The following SLC7A4 variants were observed in gnomAD, a reference collection of about 807,000 sequenced individuals.
SLC7A4 encodes solute carrier family 7 member 4, also known as cationic amino acid transporter 4.
SLC7A4 carries 30 observed loss-of-function variants against 37.8 expected under a neutral mutation model. The observed-to-expected ratio is 0.79, with a 90% CI of 0.59 to 1.08. The LOEUF (loss-of-function observed/expected upper bound fraction) is 1.08. SLC7A4 is among the 50% of genes least tolerant of loss of function. The pLI is 0.00. For synonymous variants in SLC7A4, 359 were observed against 376.5 expected (o/e 0.95, Z 0.54); for missense variants, 839 against 843.2 (o/e 1.00, Z 0.06).
Position 21,029,065 on chromosome 22 carries a change from T to C in SLC7A4, c.1898A>G (p.His633Arg). The change falls in exon 5 of 5, where the codon CAT (histidine) becomes CGT (arginine). Residue 633 changes from histidine to arginine, a missense_variant. Transcript: ENST00000382932. ...GTGTGGGCTGATCAGCTACTCCATA[T>C]GGCCAGGGTCCTGTGCTGGTGCCTG... is the stretch of plus-strand genomic sequence containing the variant. Reference protein sequence around the residue: ...PSQAPAQDPGHME With the variant: ...PSQAPAQDPGRME 6.2e-7 allele frequency: 1 copy of C among 1,608,140 alleles called. No individual in the cohort carries two copies. Among genetic ancestry groups the C allele is most frequent in the South Asian group, 1.1e-5 (1 of 90,632 alleles).
intron 3 of SLC7A4, 96 bp from the exon 4 acceptor site, chr22:21,029,540 C>T: frequency 1.6e-6 from 2 of 1,220,628 alleles, no homozygotes; most frequent in Non-Finnish European, 2.4e-6. Flanking sequence ...AGCCTTTGTT[C>T]CTCACGGGAG....
chr22:21,030,428 G>T lies in SLC7A4; in HGVS notation c.983-77C>A, dbSNP rs554810638. On this transcript the variant is annotated intron_variant, in intron 2 of 4. Transcript: ENST00000382932. ...GCCTCTGCTGGGGGTCGGTGCATGG[G>T]TGGCTCCTTGGGAACAAGGGCATGA... is the stretch of plus-strand genomic sequence containing the variant. 19 of 1,452,490 alleles carry T rather than the reference G, an allele frequency of 1.3e-5. No individual in the cohort carries two copies. The African/African-American group carries it at 2.1e-4, about 16-fold the overall frequency. 90.0% of individuals were successfully genotyped at this position (1,452,490 alleles called of 1,614,324 possible). A position where few individuals can be genotyped will look rare whatever the true frequency, so the allele number is the denominator to read the frequency against.
intron 2 of SLC7A4, 80 bp from the exon 3 acceptor site, chr22:21,030,431 G>T: frequency 7.0e-7 from 1 of 1,425,286 alleles, no homozygotes; most frequent in Non-Finnish European, 9.5e-7. Context: ...TGCATGGGTG[G>T]CTCCTTGGGA....
intron 3 of SLC7A4, 120 bp downstream of exon 3, chr22:21,029,591 G>T: frequency 1.7e-6 from 2 of 1,177,134 alleles, no homozygotes; most frequent in South Asian, 1.4e-5. Flanking sequence ...AGAAAGGGGT[G>T]CGGGATGGGT....
chr22:21,030,470 A>G, intron 2 of SLC7A4, 119 bp from the exon 3 acceptor site: 2 of 1,052,466 alleles, frequency 1.9e-6, no homozygotes, highest in Middle Eastern at 3.2e-4. Context: ...CTGGGCTCTC[A>G]GAGTAAGCAT....
chr22:21,030,823 T>G lies in SLC7A4; in HGVS notation c.982+8A>C. The G allele has an allele frequency of 6.4e-7, 1 of 1,556,828 alleles. No individual in the cohort carries two copies. The stretch of plus-strand genomic sequence containing the variant: ...TCCCTGCCACCCTGCCCAGGAAGAG[T>G]CTCTCACCGCAGATGGAGCCAGCTG... On this transcript the variant is annotated splice_region_variant and intron_variant, in intron 2 of 4. Transcript: ENST00000382932.
rs1928821979 is a variant in SLC7A4, at chr22:21,029,880, A to G, written c.1454T>C (p.Met485Thr). ...GAVVTWALGV[M>T]LASAITIGCV... ...GCCTATGGTGATGGCTGAGGCCAAC[A>G]TAACGCCAAGCGCCCAAGTCACCAC... Residue 485 changes from methionine (M) to threonine (T), a missense_variant, in exon 3 of 5, where the codon ATG becomes ACG. Transcript: ENST00000382932. 4.3e-6 allele frequency: 7 copies of G among 1,613,856 alleles called. No individual in the cohort carries two copies. The highest frequency in any genetic ancestry group is 4.0e-5 in the African/African-American group (3 of 75,034).
At chr22:21,031,971 C>T (rs1011588018) in intron 1 of SLC7A4, 119 bp from the exon 2 acceptor site, 3 of 616,734 alleles carry the variant, frequency 4.9e-6, no homozygotes, top group African/African-American at 1.9e-5. Context: ...CCTGGACACC[C>T]TCACCAGGGG....
Position 21,031,012 on chromosome 22 carries a change from A to C in SLC7A4, c.801T>G (p.Ser267=), listed in dbSNP as rs370519763. The change falls in exon 2 of 5, where the codon TCT becomes TCG. Residue 267 remains serine (S), a synonymous_variant. Coordinates refer to ENST00000382932, the MANE Select transcript of SLC7A4 (RefSeq NM_004173.3). ...SSEEAQNPRR[S]VPLAIAISLA... ...GCGAGATGGCGATGGCCAGAGGCAC[A>C]GACCGCCGTGGGTTCTGGGCCTCCT... 5.5e-5 allele frequency: 88 copies of C among 1,614,140 alleles called. 2 individuals carry two copies. The South Asian group carries it at 9.4e-4, about 17-fold the overall frequency.
chr22:21,029,180 G>A lies in SLC7A4; in HGVS notation c.1783C>T (p.Arg595Trp), dbSNP rs760672813. Residue 595 changes from arginine (R) to tryptophan (W), a missense_variant, in exon 5 of 5, where the codon CGG (arginine) becomes TGG (tryptophan). By Grantham distance (101) the Arg-to-Trp change is moderately radical. Coordinates refer to ENST00000382932, the MANE Select transcript of SLC7A4 (RefSeq NM_004173.3). ...YGIRHSKENQ[R>W]ELPGLNSTHY... ...GTGGAGTTCAGCCCTGGCAGCTCCC[G>A]CTGGTTCTCCTTGCTATGCCGGATG... The A allele has an allele frequency of 1.2e-5, 19 of 1,613,898 alleles. No individual in the cohort carries two copies. Among genetic ancestry groups the A allele is most frequent in the South Asian group, 8.8e-5 (8 of 91,088 alleles).
At chr22:21,032,491 C>G (rs1323407092) in intron 1 of SLC7A4, 40 bp downstream of exon 1, 1 of 153,574 alleles carries the variant, frequency 6.5e-6, no homozygotes. Context: ...GGCCTGAGCC[C>G]GTCCCAGTCC....
intron 2 of SLC7A4, 120 bp from the exon 3 acceptor site, chr22:21,030,471 G>A: frequency 9.9e-7 from 1 of 1,008,868 alleles, no homozygotes; most frequent in Non-Finnish European, 1.4e-6. Context: ...TGGGCTCTCA[G>A]AGTAAGCATG....
intron 1 of SLC7A4, among the ~76,000 whole-genome samples, chr22:21,032,256 G>C (rs536052090): frequency 6.6e-6 from 1 of 152,310 alleles, no homozygotes. Context: ...GCGGCTCTGC[G>C]TCGGGGCGGG....
chr22:21,032,102 ACCCGCTCGGTGG>A (rs146155796), intron 1 of SLC7A4, among the ~76,000 whole-genome samples: 6,123 of 151,804 alleles, frequency 0.04, 406 homozygotes, highest in East Asian at 0.31. Context: ...CCACCTGCTC[ACCCGCTCGGTGG>A]CCCTGAGGGG....
intron 1 of SLC7A4, among the ~76,000 whole-genome samples, 154 bp downstream of exon 1, chr22:21,032,377 G>T (rs1205269879): frequency 2.6e-5 from 4 of 152,174 alleles, no homozygotes; most frequent in Non-Finnish European, 5.9e-5. Flanking sequence ...GAATGCAGGG[G>T]CGCCCTGGGC....
At position 21,029,809 on chromosome 22, in the gene SLC7A4, C is replaced by G; in HGVS notation, c.1525G>C (p.Gly509Arg). 9 of 1,613,594 alleles carry G rather than the reference C, an allele frequency of 5.6e-6. No homozygotes were observed. Among genetic ancestry groups the G allele is most frequent in the Non-Finnish European group, 7.6e-6 (9 of 1,180,000 alleles). ...GNSTLHLPHW[G>R]YILLLLLTSV... ...GTGAGCAGGAGCAGCAGGATGTAAC[C>G]CCAGTGTGGGAGGTGCAGGGTCGAG... Residue 509 changes from glycine (G) to arginine (R), a missense_variant, in exon 3 of 5, where the codon GGT becomes CGT. Gly to Arg is a moderately radical substitution (Grantham distance 125, BLOSUM62 -2). Coordinates refer to ENST00000382932, the MANE Select transcript of SLC7A4 (RefSeq NM_004173.3).
intron 3 of SLC7A4, 53 bp downstream of exon 3, chr22:21,029,658 G>A: frequency 1.3e-6 from 2 of 1,557,544 alleles, no homozygotes; most frequent in South Asian, 1.2e-5. Flanking sequence ...AGTGGGGGAA[G>A]GGGAGGCAGC....
At position 21,031,364 on chromosome 22, in the gene SLC7A4, C is replaced by T. The variant is rs781310937; in HGVS notation, c.449G>A (p.Arg150His). 1.1e-5 allele frequency: 17 copies of T among 1,610,962 alleles called. No individual in the cohort carries two copies. Among genetic ancestry groups the T allele is most frequent in the South Asian group, 3.3e-5 (3 of 90,770 alleles). ...ACCCACGTGGGTCTCAGTGAAGTTG[C>T]GGATGCTGTGGCTGAACATAGAGTC... ...YLDSMFSHSI[R>H]NFTETHVGSW... Residue 150 changes from arginine to histidine, a missense_variant, in exon 2 of 5, where the codon CGC becomes CAC. Arg to His is a conservative substitution (Grantham distance 29). Transcript: ENST00000382932.
chr22:21,031,308 G>C lies in SLC7A4; in HGVS notation c.505C>G (p.Pro169Ala). The change falls in exon 2 of 5, where the codon CCG becomes GCG. Residue 169 changes from proline (P) to alanine (A), a missense_variant. Pro to Ala is a conservative substitution (Grantham distance 27, BLOSUM62 -1). Transcript: ENST00000382932. ...SWQVPLLGHY[P>A]DFLAAGIILL... is the part of the protein sequence containing the mutation. ...ATGATGCCAGCAGCCAGGAAGTCCG[G>C]GTAGTGGCCCAGGAGGGGCACCTGC... The C allele has an allele frequency of 6.2e-7, 1 of 1,609,942 alleles. No individual in the cohort carries two copies. Among genetic ancestry groups the C allele is most frequent in the Non-Finnish European group, 8.5e-7 (1 of 1,178,116 alleles).
Sources: allele counts gnomAD v4.1 joint callset (sites outside exome capture counted in the v4.1 genomes callset), GRCh38; gene constraint gnomAD v4.1.1; transcripts MANE v1.5; gene names NCBI Gene and HGNC (gene_info 2026-07-23, HGNC 2026-07-21).